Variants in AFF2 observed in about 807,000 individuals in gnomAD.
The protein encoded by AFF2 is ALF transcription elongation factor 2.
A neutral mutation model predicts 76.9 loss-of-function variants in AFF2; 14 were observed. The ratio of observed to expected loss-of-function variants is 0.18; its 90% confidence interval spans 0.12 to 0.28. The LOEUF is 0.28. AFF2 is among the 10% of genes least tolerant of loss of function. The pLI is 1.00. For synonymous variants in AFF2, 398 were observed against 366.7 expected (o/e 1.09, Z -0.98); for missense variants, 868 against 1,001.1 (o/e 0.87, Z 1.79).
chrX:148,861,702 G>A (rs1029095489), intron 7 of AFF2, among the ~76,000 whole-genome samples: 2 of 111,234 alleles, frequency 1.8e-5, no homozygotes, highest in Middle Eastern at 4.3e-3. Context: ...TGCATAGGTA[G>A]ACTCAGCTTC....
intron 3 of AFF2, among the ~76,000 whole-genome samples, chrX:148,713,299 C>T (rs1456544849): frequency 5.4e-5 from 6 of 111,188 alleles, no homozygotes; most frequent in Admixed American, 9.6e-5. Flanking sequence ...AGATGAGAGC[C>T]GTTGAAGGGT....
intron 9 of AFF2, among the ~76,000 whole-genome samples, chrX:148,935,425 A>G (rs889059050): frequency 9.0e-6 from 1 of 111,483 alleles, no homozygotes; most frequent in African/African-American, 3.3e-5. Flanking sequence ...ACACATATAT[A>G]TGAATCTGTG....
rs782238686 is a variant in AFF2 at position 148,587,665 on chromosome X, G to A, written c.48-64334G>A. 3.6e-5 allele frequency among the ~76,000 whole-genome samples: 4 copies of A among 112,033 alleles called. No homozygotes were observed. In the South Asian group the frequency reaches 1.1e-3, roughly 31 times the overall value. On this transcript the variant is annotated intron_variant, in intron 1 of 20. Transcript: ENST00000370460. ...CTTTATCTCTTTGCCAAAGGAAAGC[G>A]GTTGATTGTTGAAAAGTGGCTGAAG...
chrX:148,867,060 C>T (rs782071527), intron 7 of AFF2, among the ~76,000 whole-genome samples: 2 of 111,974 alleles, frequency 1.8e-5, no homozygotes, highest in Non-Finnish European at 3.8e-5. Context: ...CATAGGCATT[C>T]CTGTGAATTA....
At chrX:148,732,198 G>A (rs241091) in intron 3 of AFF2, among the ~76,000 whole-genome samples, 161 of 84,901 alleles carry the variant, frequency 1.9e-3, no homozygotes, top group Admixed American at 4.7e-3. Context: ...TGATAGACTG[G>A]ATTAAGAAAA....
chrX:148,629,150 T>G (rs1461216582), intron 1 of AFF2, among the ~76,000 whole-genome samples: 5 of 109,282 alleles, frequency 4.6e-5, no homozygotes, highest in Non-Finnish European at 9.5e-5. Flanking sequence ...TCAGCGAGGT[T>G]GAAGGAATAG....
intron 3 of AFF2, among the ~76,000 whole-genome samples, chrX:148,760,966 C>G (rs2069432234): frequency 8.9e-6 from 1 of 111,945 alleles, no homozygotes; most frequent in Non-Finnish European, 1.9e-5. Flanking sequence ...GCATTGGGCT[C>G]TTTCCATGTT....
chrX:148,569,630 A>G (rs1557242209), intron 1 of AFF2, among the ~76,000 whole-genome samples: 1 of 111,146 alleles, frequency 9.0e-6, no homozygotes, highest in African/African-American at 3.3e-5. Context: ...AGCTTTCCTG[A>G]TTCTCTGAGG....
At position 148,662,173 on chromosome X, in the gene AFF2, T is replaced by A; in HGVS notation, c.446T>A (p.Ile149Lys). The A allele has an allele frequency of 5.0e-6, 6 of 1,210,738 alleles. No individual in the cohort carries two copies. The highest frequency in any genetic ancestry group is 6.7e-6 in the Non-Finnish European group (6 of 894,692). The change falls in exon 3 of 21, where the codon ATA (isoleucine) becomes AAA (lysine). Residue 149 changes from isoleucine to lysine, a missense_variant. Ile to Lys is a moderately radical substitution (Grantham distance 102). Around this residue, in one of 6 missense-constraint regions of AFF2, gnomAD observed 196 missense variants for 194.8 expected, o/e 1.01. Transcript: ENST00000370460. Reference sequence around the variant, plus strand: ...GTTGTGATACTGAATTCAACTCTAATACACAGCAACAGAAAATCAAAACCT... The same window carrying A: ...GTTGTGATACTGAATTCAACTCTAAAACACAGCAACAGAAAATCAAAACCT... Reference protein sequence around the residue: ...PSVVILNSTLIHSNRKSKPEW... With the variant: ...PSVVILNSTLKHSNRKSKPEW...
chrX:148,763,704 A>G, intron 3 of AFF2, among the ~76,000 whole-genome samples: 1 of 112,214 alleles, frequency 8.9e-6, no homozygotes, highest in South Asian at 3.7e-4. Flanking sequence ...ATTTTTATGA[A>G]GTGGCACAGT....
intron 3 of AFF2, among the ~76,000 whole-genome samples, chrX:148,678,718 A>G (rs2054512479): frequency 8.9e-6 from 1 of 111,985 alleles, no homozygotes; most frequent in African/African-American, 3.2e-5. Flanking sequence ...TCCAGCAAAC[A>G]TATTAGCCAT....
intron 3 of AFF2, among the ~76,000 whole-genome samples, chrX:148,710,323 C>G (rs1291493950): frequency 8.9e-6 from 1 of 111,925 alleles, no homozygotes; most frequent in Admixed American, 9.5e-5. Context: ...CACCCTTCCT[C>G]TCTGCCTCCC....
chrX:148,547,165 A>G (rs1414708304), intron 1 of AFF2: 1 of 108,392 alleles, frequency 9.2e-6, no homozygotes, highest in Non-Finnish European at 1.9e-5. Flanking sequence ...AGTGGCTCTG[A>G]GGTTCATTTT....
chrX:148,946,228 A>G (rs1440385660), intron 9 of AFF2, among the ~76,000 whole-genome samples: 1 of 112,128 alleles, frequency 8.9e-6, no homozygotes, highest in African/African-American at 3.2e-5. Context: ...GTAACCTCTC[A>G]TTGCACCATT....
At chrX:148,895,496 C>G (rs1402816891) in intron 8 of AFF2, among the ~76,000 whole-genome samples, 7 of 109,705 alleles carry the variant, frequency 6.4e-5, no homozygotes, top group African/African-American at 2.3e-4. Context: ...TTATTGACAA[C>G]AAGTATGGCC....
intron 9 of AFF2, among the ~76,000 whole-genome samples, chrX:148,919,283 A>C (rs143426485): frequency 0.01 from 1,130 of 111,275 alleles, 44 homozygotes; most frequent in Admixed American, 0.094. Flanking sequence ...ACCGTAGCTC[A>C]GTTCCCAGTG....
At chrX:148,685,040 C>T (rs1557260228) in intron 3 of AFF2, among the ~76,000 whole-genome samples, 1 of 112,173 alleles carries the variant, frequency 8.9e-6, no homozygotes, top group Non-Finnish European at 1.9e-5. Context: ...AGTAGCATAA[C>T]TCAGGCTGGA....
chrX:148,819,647 G>T (rs186183628), intron 4 of AFF2, among the ~76,000 whole-genome samples: 40 of 111,192 alleles, frequency 3.6e-4, no homozygotes, highest in African/African-American at 1.2e-3. Flanking sequence ...CCTTCTAAGA[G>T]AAAAATTTCT....
At chrX:148,814,369 G>T (rs1332795487) in intron 4 of AFF2, among the ~76,000 whole-genome samples, 1 of 112,045 alleles carries the variant, frequency 8.9e-6, no homozygotes, top group Non-Finnish European at 1.9e-5. Context: ...TTCATAGAAA[G>T]AATTTACTTT....
Sources: gnomAD v4.1 joint callset for allele counts (sites outside exome capture counted in the v4.1 genomes callset) on GRCh38, gnomAD v4.1.1 for gene constraint, gnomAD v4.1.1 regional missense constraint, MANE v1.5 for transcripts, NCBI Gene and HGNC (gene_info 2026-07-23, HGNC 2026-07-21) for gene names.